Variants in INMT observed in about 807,000 individuals in gnomAD.
INMT encodes indolethylamine N-methyltransferase, also known as amine N-methyltransferase.
In INMT, 11 loss-of-function variants were observed where a neutral mutation model predicts 11.5. The observed-to-expected ratio is 0.95, with a 90% CI of 0.60 to 1.58. The LOEUF (loss-of-function observed/expected upper bound fraction) is 1.58, where lower values mean the gene tolerates loss of function less well. Among genes scored for constraint, INMT ranks in the 40% most tolerant of loss-of-function variants. The pLI, the probability that INMT is intolerant of heterozygous loss-of-function variation, is 0.00. For synonymous variants in INMT, 155 were observed against 142.9 expected (o/e 1.08, Z -0.60); for missense variants, 316 against 336.1 (o/e 0.94, Z 0.47).
Position 30,752,310 on chromosome 7 carries a change from C to A in INMT, c.154+6C>A. 6.2e-7 allele frequency: 1 copy of A among 1,611,324 alleles called. No homozygotes were observed. Among genetic ancestry groups the A allele is most frequent in the South Asian group, 1.1e-5 (1 of 91,010 alleles). On this transcript the variant is annotated splice_donor_region_variant and intron_variant, in intron 1 of 2. Transcript: ENST00000013222. ...CCACAAGACCTTCGGCCCTGGTGAG[C>A]AGAGGGTGGCCCTTCCCCTTGAGCC...
Position 30,755,843 on chromosome 7 carries a change from G to A in INMT, c.784G>A (p.Gly262Arg), listed in dbSNP as rs761400805. The change falls in exon 3 of 3, where the codon GGG becomes AGG. Residue 262 changes from glycine (G) to arginine (R), a missense_variant. Coordinates refer to ENST00000013222, the MANE Select transcript of INMT (RefSeq NM_006774.5). ...VCFIVARKKP[G>R]P Reference sequence around the variant, plus strand: ...CTTCATTGTGGCTCGCAAGAAGCCTGGGCCCTGAGCCAGGAGGGCCAGCCA... The same window carrying A: ...CTTCATTGTGGCTCGCAAGAAGCCTAGGCCCTGAGCCAGGAGGGCCAGCCA... 3 of 1,607,070 alleles carry A rather than the reference G, an allele frequency of 1.9e-6. No homozygotes were observed. In the African/African-American group the frequency reaches 4.0e-5, roughly 21 times the overall value.
rs1196328875 is a variant in INMT, at chr7:30,754,419, C to T, written c.362+481C>T. Among the ~76,000 whole-genome samples the T allele has an allele frequency of 6.6e-6, 1 of 151,190 alleles. No individual in the cohort carries two copies. The highest frequency in any genetic ancestry group is 2.4e-5 in the African/African-American group (1 of 41,048). On this transcript the variant is annotated intron_variant, in intron 2 of 2. Transcript: ENST00000013222. The surrounding 1 kb of genome is among the most constrained non-coding windows in gnomAD (Gnocchi z 4.9). ...GCCGTTCACCTATCCATCCATCTAT[C>T]CATCCGTCCATTCATCCATCCATCA...
At position 30,755,828 on chromosome 7, in the gene INMT, G is replaced by C; in HGVS notation, c.769G>C (p.Ala257Pro). The change falls in exon 3 of 3, where the codon GCT becomes CCT. Residue 257 changes from alanine (A) to proline (P), a missense_variant. Physicochemically the swap from Ala to Pro is conservative, Grantham distance 27 (BLOSUM62 -1). Transcript: ENST00000013222. Reference sequence around the variant, plus strand: ...CAACAATGGGGTCTGCTTCATTGTGGCTCGCAAGAAGCCTGGGCCCTGAGC... The same window carrying C: ...CAACAATGGGGTCTGCTTCATTGTGCCTCGCAAGAAGCCTGGGCCCTGAGC... ...AANNGVCFIV[A>P]RKKPGP The C allele has an allele frequency of 2.5e-6, 4 of 1,610,430 alleles. No individual in the cohort carries two copies. Among genetic ancestry groups the C allele is most frequent in the Non-Finnish European group, 3.4e-6 (4 of 1,177,418 alleles).
Position 30,755,667 on chromosome 7 carries a change from C to G in INMT, c.608C>G (p.Ser203Cys). The G allele has an allele frequency of 6.2e-7, 1 of 1,614,210 alleles. No individual in the cohort carries two copies. The highest frequency in any genetic ancestry group is 8.5e-7 in the Non-Finnish European group (1 of 1,180,026). ...ACCACTGTCACGCTTCGGCTCCCGT[C>G]CTACATGGTGGGGAAGCGTGAATTT... is the stretch of plus-strand genomic sequence containing the variant. The part of the protein sequence containing the change: ...LVTTVTLRLP[S>C]YMVGKREFSC... The change falls in exon 3 of 3, where the codon TCC becomes TGC. Residue 203 changes from serine to cysteine, a missense_variant. Transcript: ENST00000013222.
chr7:30,756,271 T>A lies in INMT; in HGVS notation c.*420T>A, dbSNP rs928798955. 1 of 974,668 alleles carries A rather than the reference T, an allele frequency of 1.0e-6. No homozygotes were observed. The highest frequency in any genetic ancestry group is 1.8e-5 in the African/African-American group (1 of 56,652). The allele number at this position is 974,668 out of a possible 1,614,324, so 60.4% of individuals were successfully genotyped here. A position where few individuals can be genotyped will look rare whatever the true frequency, so the allele number is the denominator to read the frequency against. On this transcript the variant is annotated 3_prime_UTR_variant, in exon 3 of 3. Coordinates refer to ENST00000013222, the MANE Select transcript of INMT (RefSeq NM_006774.5). ...TTTTTTTTGAGACGGAGTCTGGCTC[T>A]GTCACCCAGGCTAGAGTGCAATGGC...
In INMT at chr7:30,753,829, G is replaced by A. The variant is rs147874673; in HGVS notation, c.253G>A (p.Asp85Asn). The A allele has an allele frequency of 8.1e-6, 13 of 1,614,168 alleles. No individual in the cohort carries two copies. The highest frequency in any genetic ancestry group is 1.1e-5 in the South Asian group (1 of 91,074). The change falls in exon 2 of 3, where the codon GAC (aspartate) becomes AAC (asparagine). Residue 85 changes from aspartate (D) to asparagine (N), a missense_variant. Asp to Asn is a conservative substitution (Grantham distance 23). Coordinates refer to ENST00000013222, the MANE Select transcript of INMT (RefSeq NM_006774.5). Reference protein sequence around the residue: ...CDSFQDITLSDFTDRNREELE... With the variant: ...CDSFQDITLSNFTDRNREELE... ...TTCCTTCCAAGACATCACTCTCTCC[G>A]ACTTTACCGACCGCAACCGGGAGGA... is the stretch of plus-strand genomic sequence containing the variant.
chr7:30,752,235 G>A lies in INMT; in HGVS notation c.85G>A (p.Gly29Ser). The A allele has an allele frequency of 1.2e-6, 2 of 1,614,098 alleles. No individual in the cohort carries two copies. Among genetic ancestry groups the A allele is most frequent in the Non-Finnish European group, 1.7e-6 (2 of 1,179,968 alleles). ...DYLATYYSFD[G>S]SPSPEAEMLK... Reference sequence around the variant, plus strand: ...CTTGGCTACTTACTACAGCTTCGATGGCAGCCCCTCACCCGAGGCCGAGAT... The same window carrying A: ...CTTGGCTACTTACTACAGCTTCGATAGCAGCCCCTCACCCGAGGCCGAGAT... Residue 29 changes from glycine (G) to serine (S), a missense_variant, in exon 1 of 3, where the codon GGC (glycine) becomes AGC (serine). Physicochemically the swap from Gly to Ser is moderately conservative, Grantham distance 56. Coordinates refer to ENST00000013222, the MANE Select transcript of INMT (RefSeq NM_006774.5).
In INMT at chr7:30,753,848, G is replaced by T. The variant is rs200629016; in HGVS notation, c.272G>T (p.Arg91Leu). The T allele has an allele frequency of 6.8e-6, 11 of 1,614,060 alleles. No homozygotes were observed. Among genetic ancestry groups the T allele is most frequent in the Non-Finnish European group, 8.5e-6 (10 of 1,180,032 alleles). ...CTCTCCGACTTTACCGACCGCAACC[G>T]GGAGGAGCTGGAAAAGTGGCTGAAG... is the stretch of plus-strand genomic sequence containing the variant. The part of the protein sequence containing the change: ...ITLSDFTDRN[R>L]EELEKWLKKE... The change falls in exon 2 of 3, where the codon CGG becomes CTG. Residue 91 changes from arginine to leucine, a missense_variant. Physicochemically the swap from Arg to Leu is moderately radical, Grantham distance 102. Coordinates refer to ENST00000013222, the MANE Select transcript of INMT (RefSeq NM_006774.5).
chr7:30,752,187 A>C lies in INMT; in HGVS notation c.37A>C (p.Lys13Gln). 4 of 1,614,032 alleles carry C rather than the reference A, an allele frequency of 2.5e-6. No individual in the cohort carries two copies. The highest frequency in any genetic ancestry group is 3.4e-6 in the Non-Finnish European group (4 of 1,179,954). Residue 13 changes from lysine (K) to glutamine (Q), a missense_variant, in exon 1 of 3, where the codon AAG becomes CAG. Physicochemically the swap from Lys to Gln is moderately conservative, Grantham distance 53. Transcript: ENST00000013222. The part of the protein sequence containing the change: ...GGFTGGDEYQ[K>Q]HFLPRDYLAT... ...CTTCACTGGGGGTGATGAGTACCAG[A>C]AGCACTTCCTGCCCAGGGACTACTT...
chr7:30,755,410 C>A lies in INMT; in HGVS notation c.363-12C>A. 2 of 1,573,626 alleles carry A rather than the reference C, an allele frequency of 1.3e-6. No homozygotes were observed. Among genetic ancestry groups the A allele is most frequent in the East Asian group, 2.3e-5 (1 of 43,640 alleles). Reference sequence around the variant, plus strand: ...TCAAAGGGCCTCCCCGACTCCCTCTCTCTCTCTGCAGCGGCCGATGGGAGG... The same window carrying A: ...TCAAAGGGCCTCCCCGACTCCCTCTATCTCTCTGCAGCGGCCGATGGGAGG... On this transcript the variant is annotated splice_polypyrimidine_tract_variant and intron_variant, in intron 2 of 2. Coordinates refer to ENST00000013222, the MANE Select transcript of INMT (RefSeq NM_006774.5).
Position 30,757,597 on chromosome 7 carries a change from C to T in INMT, c.*1746C>T, listed in dbSNP as rs76842935. 0.045 allele frequency: 6,891 copies of T among 154,008 alleles called. 502 individuals are homozygous for T. The highest frequency in any genetic ancestry group is 0.16 in the African/African-American group (6,478 of 41,544). The allele number at this position is 154,008 out of a possible 1,614,324, so 9.5% of individuals were successfully genotyped here. ...CTGTTGCTGAATAAAACCATATTCACCTGCCTATGGGCCCTGAGTGTTCTT... is the reference window on the plus strand; with the variant it reads ...CTGTTGCTGAATAAAACCATATTCATCTGCCTATGGGCCCTGAGTGTTCTT... On this transcript the variant is annotated 3_prime_UTR_variant, in exon 3 of 3. Transcript: ENST00000013222.
rs1239370733 is a variant in INMT at position 30,756,309 on chromosome 7, C to T, written c.*458C>T. On this transcript the variant is annotated 3_prime_UTR_variant, in exon 3 of 3. Transcript: ENST00000013222. ...AGAGTGCAATGGCACGATCTCGGCT[C>T]ACTGCAAGCTCTGCGTCCTGGGTTG... The T allele has an allele frequency of 3.9e-6, 3 of 772,860 alleles. No individual in the cohort carries two copies. The highest frequency in any genetic ancestry group is 1.9e-5 in the African/African-American group (1 of 52,046). 47.9% of individuals were successfully genotyped at this position (772,860 alleles called of 1,614,324 possible). A position where few individuals can be genotyped will look rare whatever the true frequency, so the allele number is the denominator to read the frequency against.
Position 30,756,424 on chromosome 7 carries a change from T to TTTTTTTG in INMT, c.*574_*575insTTTTTGT. ...CTAATTTTTTTTTTTTTTTTTTTATTTGAGACGGAGTTTCGCTCTGTCGCC... is the reference window on the plus strand; with the variant it reads ...CTAATTTTTTTTTTTTTTTTTTTATTTTTTTTGTGAGACGGAGTTTCGCTCTGTCGCC... On this transcript the variant is annotated 3_prime_UTR_variant, in exon 3 of 3. Transcript: ENST00000013222. The TTTTTTTG allele has an allele frequency of 6.5e-6, 1 of 154,746 alleles. No homozygotes were observed. The allele number at this position is 154,746 out of a possible 1,614,324, so 9.6% of individuals were successfully genotyped here. A position where few individuals can be genotyped will look rare whatever the true frequency, so the allele number is the denominator to read the frequency against.
Position 30,755,623 on chromosome 7 carries a change from G to A in INMT, c.564G>A (p.Lys188=). ...AALCNLASLL[K]PGGHLVTTVT... ...TGTGCAACCTTGCCTCACTGCTCAA[G>A]CCGGGTGGCCACCTGGTGACCACTG... Residue 188 remains lysine, a synonymous_variant, in exon 3 of 3, where the codon AAG becomes AAA. Transcript: ENST00000013222. 6.2e-7 allele frequency: 1 copy of A among 1,614,238 alleles called. No homozygotes were observed. Among genetic ancestry groups the A allele is most frequent in the Non-Finnish European group, 8.5e-7 (1 of 1,180,052 alleles).
At position 30,753,847 on chromosome 7, in the gene INMT, C is replaced by G. The variant is rs377250791; in HGVS notation, c.271C>G (p.Arg91Gly). The G allele has an allele frequency of 1.9e-6, 3 of 1,614,078 alleles. No homozygotes were observed. The highest frequency in any genetic ancestry group is 2.5e-6 in the Non-Finnish European group (3 of 1,180,040). The change falls in exon 2 of 3, where the codon CGG becomes GGG. Residue 91 changes from arginine (R) to glycine (G), a missense_variant. Coordinates refer to ENST00000013222, the MANE Select transcript of INMT (RefSeq NM_006774.5). The part of the protein sequence containing the change: ...ITLSDFTDRN[R>G]EELEKWLKKE... The stretch of plus-strand genomic sequence containing the variant: ...TCTCTCCGACTTTACCGACCGCAAC[C>G]GGGAGGAGCTGGAAAAGTGGCTGAA...
chr7:30,752,822 A>G (rs1362399808), intron 1 of INMT, among the ~76,000 whole-genome samples: 4 of 152,130 alleles, frequency 2.6e-5, no homozygotes, highest in Non-Finnish European at 4.4e-5. Flanking sequence ...ACCTCAACTG[A>G]GCCATCTGCA....
In INMT at chr7:30,754,230, CTA is replaced by C. The variant is rs1786166235; in HGVS notation, c.362+298_362+299del. 1.3e-5 allele frequency among the ~76,000 whole-genome samples: 2 copies of C among 152,186 alleles called. No individual in the cohort carries two copies. Among genetic ancestry groups the C allele is most frequent in the African/African-American group, 4.8e-5 (2 of 41,440 alleles). On this transcript the variant is annotated intron_variant, in intron 2 of 2. Transcript: ENST00000013222. This position sits in a 1 kb window ranked among gnomAD's most constrained non-coding sequence, Gnocchi z 4.9. Reference sequence around the variant, plus strand: ...TCTTCTCTTCCTTCCTTACCCTCATCTATATATCTACCTCTCTATCTTCTATG... The same window carrying C: ...TCTTCTCTTCCTTCCTTACCCTCATCTATATCTACCTCTCTATCTTCTATG...
Position 30,755,353 on chromosome 7 carries a change from G to T in INMT, c.363-69G>T, listed in dbSNP as rs945351843. On this transcript the variant is annotated intron_variant, in intron 2 of 2. Transcript: ENST00000013222. ...ATCCAGAGATCATCTCCATCTGCTG[G>T]TCACAGTGGACTGAGAGTTCCCTTC... The T allele has an allele frequency of 2.2e-6, 3 of 1,366,690 alleles. No homozygotes were observed. In the Admixed American group the frequency reaches 6.4e-5, roughly 29 times the overall value. 84.7% of individuals were successfully genotyped at this position (1,366,690 alleles called of 1,614,324 possible).
At position 30,756,834 on chromosome 7, in the gene INMT, A is replaced by G. The variant is rs1364763369; in HGVS notation, c.*983A>G. The G allele has an allele frequency of 6.6e-6, 1 of 152,256 alleles. No individual in the cohort carries two copies. The highest frequency in any genetic ancestry group is 1.5e-5 in the Non-Finnish European group (1 of 68,058). 9.4% of individuals were successfully genotyped at this position (152,256 alleles called of 1,614,324 possible). A position where few individuals can be genotyped will look rare whatever the true frequency, so the allele number is the denominator to read the frequency against. The stretch of plus-strand genomic sequence containing the variant: ...ACCAGTGGTTTAATAACCAGCTCAT[A>G]AATCTCCTAAATATTTTACAGTTGA... On this transcript the variant is annotated 3_prime_UTR_variant, in exon 3 of 3. Transcript: ENST00000013222.
Sources: gnomAD v4.1 joint callset for allele counts (sites outside exome capture counted in the v4.1 genomes callset) on GRCh38, gnomAD v4.1.1 for gene constraint, Gnocchi (gnomAD v3.1) non-coding constraint, MANE v1.5 for transcripts, NCBI Gene and HGNC (gene_info 2026-07-23, HGNC 2026-07-21) for gene names.